MACROD2: variants seen among roughly 807,000 people sequenced by gnomAD.
MACROD2 encodes the protein mono-ADP ribosylhydrolase 2.
In MACROD2, 36 loss-of-function variants were observed where a neutral mutation model predicts 70.4. The observed-to-expected ratio is 0.51, with a 90% CI of 0.39 to 0.68. MACROD2 has a LOEUF of 0.68. Ranked by LOEUF, MACROD2 falls within the 30% of genes least tolerant of loss-of-function variation. MACROD2 has a pLI of 0.00. For synonymous variants in MACROD2, 172 were observed against 178.8 expected (o/e 0.96, Z 0.30); for missense variants, 496 against 538.4 (o/e 0.92, Z 0.78).
intron 8 of MACROD2, among the ~76,000 whole-genome samples, chr20:15,537,780 A>T (rs2047896933): frequency 6.6e-6 from 1 of 152,016 alleles, no homozygotes; most frequent in Non-Finnish European, 1.5e-5. Context: ...GGCCCCACTT[A>T]CCCTTCTTCT....
chr20:15,118,638 T>A (rs1033731070), intron 5 of MACROD2, among the ~76,000 whole-genome samples: 1 of 152,216 alleles, frequency 6.6e-6, no homozygotes, highest in African/African-American at 2.4e-5. Context: ...TGAGATACTC[T>A]TTTTCTCTTA....
chr20:14,620,506 T>A (rs191158369), intron 4 of MACROD2, among the ~76,000 whole-genome samples: 16 of 152,266 alleles, frequency 1.1e-4, no homozygotes, highest in Non-Finnish European at 1.2e-4. Context: ...TTCTTTTGTT[T>A]ATCTAGATAT....
intron 5 of MACROD2, among the ~76,000 whole-genome samples, chr20:15,055,605 G>A (rs561517708): frequency 4.4e-4 from 67 of 152,264 alleles, no homozygotes; most frequent in African/African-American, 1.6e-3. Flanking sequence ...GGGATGGGAA[G>A]GGAGGATCAT....
intron 3 of MACROD2, among the ~76,000 whole-genome samples, chr20:14,419,744 G>C (rs936478707): frequency 1.3e-4 from 19 of 151,954 alleles, no homozygotes; most frequent in African/African-American, 4.6e-4. Context: ...GCTATATACT[G>C]GTGTTTATAT....
chr20:15,957,515 T>C (rs1290291130), intron 12 of MACROD2, among the ~76,000 whole-genome samples: 1 of 152,150 alleles, frequency 6.6e-6, no homozygotes, highest in African/African-American at 2.4e-5. Flanking sequence ...TCTGTTTAAT[T>C]AAGATCCTTC....
chr20:15,865,273 T>C (rs2064475976), intron 9 of MACROD2, among the ~76,000 whole-genome samples: 1 of 152,166 alleles, frequency 6.6e-6, no homozygotes, highest in African/African-American at 2.4e-5. Flanking sequence ...GAGATCATAC[T>C]AAAGGTATGC....
chr20:15,732,735 A>G (rs990292174), intron 8 of MACROD2, among the ~76,000 whole-genome samples: 1 of 147,926 alleles, frequency 6.8e-6, no homozygotes. Context: ...ATCTATGTTT[A>G]TAAGAAATAG....
At chr20:14,190,584 TCAGC>T (rs2148738000) in intron 3 of MACROD2, among the ~76,000 whole-genome samples, 1 of 149,308 alleles carries the variant, frequency 6.7e-6, no homozygotes, top group South Asian at 2.1e-4. Flanking sequence ...AGTTTCATTT[TCAGC>T]CTGGGCAGAA....
chr20:15,499,921 A>C, intron 8 of MACROD2, 74 bp downstream of exon 8: 2 of 1,370,264 alleles, frequency 1.5e-6, no homozygotes, highest in Non-Finnish European at 2.1e-6. Flanking sequence ...AAAAAAGCAC[A>C]TAAATTTTAT....
chr20:15,415,767 C>T (rs975840771), intron 6 of MACROD2, among the ~76,000 whole-genome samples: 1 of 152,176 alleles, frequency 6.6e-6, no homozygotes, highest in African/African-American at 2.4e-5. Flanking sequence ...TCTTTTCTTC[C>T]ATCCATCATC....
intron 3 of MACROD2, among the ~76,000 whole-genome samples, chr20:14,107,001 A>G (rs1022368279): frequency 6.6e-6 from 1 of 152,206 alleles, no homozygotes; most frequent in Non-Finnish European, 1.5e-5. Context: ...GTAAACATCT[A>G]CAAGCATCAA....
intron 5 of MACROD2, among the ~76,000 whole-genome samples, chr20:15,075,604 A>G (rs2075651533): frequency 6.6e-6 from 1 of 152,144 alleles, no homozygotes; most frequent in Non-Finnish European, 1.5e-5. Context: ...CACTCAAAAG[A>G]TGGCTGACAG....
rs75547679 is a variant in MACROD2, at chr20:15,396,469, T to G, written c.541-34936T>G. On this transcript the variant is annotated intron_variant, in intron 6 of 17. Coordinates refer to ENST00000684519, the MANE Select transcript of MACROD2 (RefSeq NM_001351661.2). ...TACTGTAATTATGAAGAAGCAAGTC[T>G]TCTCTAAATCAGACATAGTTGAGCT... is the stretch of plus-strand genomic sequence containing the variant. Among the ~76,000 whole-genome samples, 1,244 of 152,250 alleles carry G rather than the reference T, an allele frequency of 8.2e-3. 9 individuals carry two copies. Among genetic ancestry groups the G allele is most frequent in the Middle Eastern group, 0.065 (19 of 294 alleles).
chr20:15,654,007 G>C lies in MACROD2; in HGVS notation c.645+154160G>C, dbSNP rs1432922279. On this transcript the variant is annotated intron_variant, in intron 8 of 17. Coordinates refer to ENST00000684519, the MANE Select transcript of MACROD2 (RefSeq NM_001351661.2). ...GATCTATGTCCCTCCGACTAGGGCA[G>C]AGTTTGGATAAGCATCCCATTCCAG... 2.7e-5 allele frequency among the ~76,000 whole-genome samples: 4 copies of C among 150,190 alleles called. No homozygotes were observed. In the East Asian group the frequency reaches 7.7e-4, roughly 29 times the overall value.
intron 3 of MACROD2, among the ~76,000 whole-genome samples, chr20:14,225,740 A>G (rs1347884256): frequency 1.3e-5 from 2 of 152,196 alleles, no homozygotes; most frequent in Admixed American, 6.5e-5. Context: ...ATTGATTTCA[A>G]TTTTCTGTGT....
At chr20:14,890,951 T>TTTCC (rs372577604) in intron 5 of MACROD2, among the ~76,000 whole-genome samples, 2,037 of 105,724 alleles carry the variant, frequency 0.019, 49 homozygotes, top group African/African-American at 0.031. Context: ...TCTTTCTCTT[T>TTTCC]TTCCTTCCTT....
chr20:15,927,524 A>G (rs947580789), intron 10 of MACROD2, among the ~76,000 whole-genome samples: 34 of 152,144 alleles, frequency 2.2e-4, no homozygotes, highest in Non-Finnish European at 2.1e-4. Flanking sequence ...TTCATCTGCA[A>G]AAATGGAGAT....
intron 17 of MACROD2, among the ~76,000 whole-genome samples, chr20:16,045,299 A>G (rs2067364678): frequency 6.6e-6 from 1 of 152,178 alleles, no homozygotes; most frequent in African/African-American, 2.4e-5. Context: ...CCAACATTCT[A>G]AATCTCTCAG....
At chr20:14,317,200 T>C (rs2082619472) in intron 3 of MACROD2, among the ~76,000 whole-genome samples, 3 of 152,208 alleles carry the variant, frequency 2.0e-5, no homozygotes, top group African/African-American at 7.2e-5. Context: ...TCTCGGGTCT[T>C]AGGCTTTCTC....
Sources: gnomAD v4.1 joint callset for allele counts (sites outside exome capture counted in the v4.1 genomes callset) on GRCh38, gnomAD v4.1.1 for gene constraint, MANE v1.5 for transcripts, NCBI Gene and HGNC (gene_info 2026-07-23, HGNC 2026-07-21) for gene names.